The following CCM2 variants were observed in gnomAD, a reference collection of about 807,000 sequenced individuals.
CCM2 encodes the protein CCM2 scaffold protein.
Under a neutral mutation model 44.9 loss-of-function variants are expected in CCM2, and 25 were observed. That is an observed-to-expected ratio of 0.56 (90% CI 0.41 to 0.78). CCM2 has a LOEUF of 0.78. Ranked by LOEUF, CCM2 falls within the 30% of genes least tolerant of loss-of-function variation. The probability of loss-of-function intolerance (pLI) is 0.00; values close to 1 mark genes in which losing one functional copy is unlikely to be tolerated. For missense variants in CCM2, 481 were observed against 580.6 expected, an observed-to-expected ratio of 0.83 and a Z score of 1.76; for synonymous variants, 219 against 241.1, an observed-to-expected ratio of 0.91 and a Z score of 0.85.
intron 1 of CCM2, among the ~76,000 whole-genome samples, chr7:45,012,002 G>GT (rs1234988460): frequency 1.3e-5 from 2 of 151,212 alleles, no homozygotes; most frequent in Admixed American, 1.3e-4. Flanking sequence ...AATCCTGTCA[G>GT]TTATTGAGAG....
At position 45,076,071 on chromosome 7, in the gene CCM2, G is replaced by T. The variant is rs116320627; in HGVS notation, c.*14G>T. ...GACTCAGCATGATGGACAGTGGATG[G>T]GGGGGCACCCACACCTTCCGCGCAG... On this transcript the variant is annotated 3_prime_UTR_variant, in exon 10 of 10. Coordinates refer to ENST00000258781, the MANE Select transcript of CCM2 (RefSeq NM_031443.4). 2.2e-3 allele frequency: 3,517 copies of T among 1,612,742 alleles called. 61 individuals are homozygous for T. In the African/African-American group the frequency reaches 0.039, roughly 18 times the overall value.
In CCM2 at chr7:45,000,216, G is replaced by A. The variant is rs1177643134; in HGVS notation, c.-118G>A. On this transcript the variant is annotated 5_prime_UTR_variant, in exon 1 of 10. Coordinates refer to ENST00000258781, the MANE Select transcript of CCM2 (RefSeq NM_031443.4). ...CGGCCGGGGCGGAGACTTCGGGCCC[G>A]GCTGGCGGGCGGCGCCGGGAGCGCG... 1.0e-5 allele frequency: 6 copies of A among 578,194 alleles called. No individual in the cohort carries two copies. The highest frequency in any genetic ancestry group is 1.3e-5 in the Non-Finnish European group (6 of 458,182). 35.8% of individuals were successfully genotyped at this position (578,194 alleles called of 1,614,324 possible).
In CCM2 at chr7:45,000,222, CGGGCGGCGCCGGGAGCGCGG is replaced by C. The variant is rs1445850697; in HGVS notation, c.-103_-84del. On this transcript the variant is annotated 5_prime_UTR_variant, in exon 1 of 10. Transcript: ENST00000258781. Reference sequence around the variant, plus strand: ...GGGCGGAGACTTCGGGCCCGGCTGGCGGGCGGCGCCGGGAGCGCGGGGGCGGCGGGCCCGGGTCGAGCATG... The same window carrying C: ...GGGCGGAGACTTCGGGCCCGGCTGGCGGGCGGCGGGCCCGGGTCGAGCATG... The C allele has an allele frequency of 9.0e-6, 5 of 558,632 alleles. No individual in the cohort carries two copies. Among genetic ancestry groups the C allele is most frequent in the Non-Finnish European group, 8.4e-6 (4 of 474,776 alleles). 34.6% of individuals were successfully genotyped at this position (558,632 alleles called of 1,614,324 possible).
intron 1 of CCM2, among the ~76,000 whole-genome samples, chr7:45,011,353 C>T (rs1403007187): frequency 1.3e-5 from 2 of 151,388 alleles, no homozygotes; most frequent in Non-Finnish European, 3.0e-5. Context: ...CCCGCCACCA[C>T]ACCCGGCTAA....
At chr7:45,009,868 T>A (rs1187155917) in intron 1 of CCM2, among the ~76,000 whole-genome samples, 1 of 152,184 alleles carries the variant, frequency 6.6e-6, no homozygotes, top group Non-Finnish European at 1.5e-5. Flanking sequence ...AATATTTGCT[T>A]ACAGTTTTCT....
intron 1 of CCM2, among the ~76,000 whole-genome samples, chr7:45,018,730 C>G (rs1252147952): frequency 6.6e-6 from 1 of 151,392 alleles, no homozygotes; most frequent in Admixed American, 6.6e-5. Context: ...TTTTGTTGTA[C>G]TGAATGTCTT....
In CCM2 at chr7:45,047,297, A is replaced by C. The variant is rs1797803286; in HGVS notation, c.204+8871A>C. On this transcript the variant is annotated intron_variant, in intron 2 of 9. Transcript: ENST00000258781. Reference sequence around the variant, plus strand: ...AAAACAGTTGTATTCATAGTAGCCCAAAACTGGAAACAACTCCATGTCCTT... The same window carrying C: ...AAAACAGTTGTATTCATAGTAGCCCCAAACTGGAAACAACTCCATGTCCTT... Among the ~76,000 whole-genome samples, 3 of 152,362 alleles carry C rather than the reference A, an allele frequency of 2.0e-5. No individual in the cohort carries two copies. In the South Asian group the frequency reaches 6.2e-4, roughly 32 times the overall value.
intron 2 of CCM2, among the ~76,000 whole-genome samples, chr7:45,058,900 A>ATTTTTT (rs71565945): frequency 2.8e-5 from 4 of 142,588 alleles, no homozygotes; most frequent in African/African-American, 5.2e-5. Flanking sequence ...CGCCCAGCTA[A>ATTTTTT]TTTTTTTTTT....
intron 2 of CCM2, among the ~76,000 whole-genome samples, chr7:45,044,208 A>G (rs1340226192): frequency 6.6e-6 from 1 of 152,172 alleles, no homozygotes; most frequent in Admixed American, 6.5e-5. Context: ...GGCTCCGCTC[A>G]CTGCAAGCTC....
At chr7:45,022,878 T>G (rs138567025) in intron 1 of CCM2, among the ~76,000 whole-genome samples, 1,579 of 151,848 alleles carry the variant, frequency 0.01, 24 homozygotes, top group African/African-American at 0.037. Flanking sequence ...GTAGCTGGGA[T>G]TACAGGTGCC....
chr7:45,064,172 C>T lies in CCM2; in HGVS notation c.288+171C>T, dbSNP rs6971403. ...TTAGTATGGACATTAAGTTGATTCTCGACACTTGCTCCATGTGATTTTGGG... is the reference window on the plus strand; with the variant it reads ...TTAGTATGGACATTAAGTTGATTCTTGACACTTGCTCCATGTGATTTTGGG... On this transcript the variant is annotated intron_variant, in intron 3 of 9. Transcript: ENST00000258781. Among the ~76,000 whole-genome samples, 34,068 of 152,006 alleles carry T rather than the reference C, an allele frequency of 0.22. 3,824 individuals carry two copies. Among genetic ancestry groups the T allele is most frequent in the Admixed American group, 0.26 (3,913 of 15,266 alleles).
At chr7:45,067,301 C>T (rs1211944785) in intron 4 of CCM2, among the ~76,000 whole-genome samples, 1 of 151,566 alleles carries the variant, frequency 6.6e-6, no homozygotes, top group Non-Finnish European at 1.5e-5. Flanking sequence ...GCTGGGATTA[C>T]AGGCATGAGC....
chr7:45,042,956 TCTC>T (rs1797581558), intron 2 of CCM2, among the ~76,000 whole-genome samples: 2 of 140,946 alleles, frequency 1.4e-5, no homozygotes, highest in African/African-American at 5.7e-5. Context: ...TGCTTTCTCT[TCTC>T]TTCTTCTTCT....
chr7:45,032,119 G>A (rs903152472), intron 1 of CCM2, among the ~76,000 whole-genome samples: 1 of 152,150 alleles, frequency 6.6e-6, no homozygotes, highest in African/African-American at 2.4e-5. Flanking sequence ...TGCAGCAGAT[G>A]TGCAAAGATG....
At position 45,075,592 on chromosome 7, in the gene CCM2, ACTGT is replaced by A. The variant is rs570381941; in HGVS notation, c.1055-181_1055-178del. Among the ~76,000 whole-genome samples, 49 of 152,290 alleles carry A rather than the reference ACTGT, an allele frequency of 3.2e-4. No homozygotes were observed. In the South Asian group the frequency reaches 5.4e-3, roughly 17 times the overall value. ...TGTCAAGAGTTGAGGTTTTAGCCAA[ACTGT>A]CTGGCCCCAGGAAGCATGATTTCAA... On this transcript the variant is annotated intron_variant, in intron 9 of 9. Transcript: ENST00000258781.
chr7:45,073,573 T>C lies in CCM2; in HGVS notation c.915+2T>C. 2 of 1,601,942 alleles carry C rather than the reference T, an allele frequency of 1.2e-6. No individual in the cohort carries two copies. Among genetic ancestry groups the C allele is most frequent in the Non-Finnish European group, 1.7e-6 (2 of 1,172,856 alleles). The stretch of plus-strand genomic sequence containing the variant: ...CTGCTGCAGGACTACATGCTGACGG[T>C]AGGCCTCCGCTGCAGGGACGCTGGG... On this transcript the variant is annotated splice_donor_variant, in intron 8 of 9. Coordinates refer to ENST00000258781, the MANE Select transcript of CCM2 (RefSeq NM_031443.4). LOFTEE classifies it high-confidence loss of function.
intron 1 of CCM2, among the ~76,000 whole-genome samples, chr7:45,003,162 G>A (rs1292078825): frequency 1.3e-5 from 2 of 151,982 alleles, no homozygotes; most frequent in Admixed American, 1.3e-4. Flanking sequence ...TGCAACCTCC[G>A]CCTCCCGGGT....
At position 45,026,675 on chromosome 7, in the gene CCM2, T is replaced by C. The variant is rs77309591; in HGVS notation, c.31-11578T>C. ...TGGAGTGCAATGGTGCTATCTTTTC[T>C]TACTGGAACCTCTGCCTCCCAGGTT... On this transcript the variant is annotated intron_variant, in intron 1 of 9. Coordinates refer to ENST00000258781, the MANE Select transcript of CCM2 (RefSeq NM_031443.4). Among the ~76,000 whole-genome samples the C allele has an allele frequency of 7.8e-3, 1,183 of 151,142 alleles. 14 individuals are homozygous for C. The highest frequency in any genetic ancestry group is 0.027 in the African/African-American group (1,110 of 41,094).
Position 45,047,940 on chromosome 7 carries a change from A to G in CCM2, c.204+9514A>G, listed in dbSNP as rs191442150. Among the ~76,000 whole-genome samples the G allele has an allele frequency of 2.9e-4, 44 of 152,362 alleles. No homozygotes were observed. The East Asian group carries it at 7.1e-3, about 25-fold the overall frequency. The stretch of plus-strand genomic sequence containing the variant: ...ATTATAAAGAAATTGCAATTTGACT[A>G]CTACTTGGCATGTCAGTGAGAGAAT... On this transcript the variant is annotated intron_variant, in intron 2 of 9. Coordinates refer to ENST00000258781, the MANE Select transcript of CCM2 (RefSeq NM_031443.4).
Sources: allele counts gnomAD v4.1 joint callset (sites outside exome capture counted in the v4.1 genomes callset), GRCh38; gene constraint gnomAD v4.1.1; transcripts MANE v1.5; gene names NCBI Gene and HGNC (gene_info 2026-07-23, HGNC 2026-07-21).